The following PRSS33 variants were observed in gnomAD, a reference collection of about 807,000 sequenced individuals.
PRSS33 encodes protease, serine 33.
Under a neutral mutation model 26.7 loss-of-function variants are expected in PRSS33, and 32 were observed. The observed-to-expected ratio is 1.20, with a 90% CI of 0.90 to 1.61. The LOEUF (loss-of-function observed/expected upper bound fraction) is 1.61. Ranked by LOEUF, PRSS33 falls within the 40% of genes most tolerant of loss-of-function variation. PRSS33 has a pLI of 0.00. For synonymous variants in PRSS33, 192 were observed against 177.6 expected, an observed-to-expected ratio of 1.08 and a Z score of -0.64; for missense variants, 450 against 396.3, an observed-to-expected ratio of 1.14 and a Z score of -1.15.
chr16:2,786,183 G>A lies in PRSS33; in HGVS notation c.47-62C>T. ...TTTGGTGTCAAATAACGGAGTTGGA[G>A]GGGAGGCCAGAGATGAGGAAGGAGG... is the stretch of plus-strand genomic sequence containing the variant. On this transcript the variant is annotated intron_variant, in intron 2 of 6. Coordinates refer to ENST00000682474, the MANE Select transcript of PRSS33 (RefSeq NM_152891.3). 3 of 1,425,738 alleles carry A rather than the reference G, an allele frequency of 2.1e-6. No individual in the cohort carries two copies. The South Asian group carries it at 3.4e-5, about 16-fold the overall frequency. 88.3% of individuals were successfully genotyped at this position (1,425,738 alleles called of 1,614,324 possible).
Position 2,784,347 on chromosome 16 carries a change from T to G in PRSS33, c.*297A>C. 3.7e-6 allele frequency: 1 copy of G among 268,360 alleles called. No homozygotes were observed. The highest frequency in any genetic ancestry group is 2.2e-5 in the African/African-American group (1 of 45,322). 16.6% of individuals were successfully genotyped at this position (268,360 alleles called of 1,614,324 possible). A position where few individuals can be genotyped will look rare whatever the true frequency, so the allele number is the denominator to read the frequency against. On this transcript the variant is annotated 3_prime_UTR_variant, in exon 7 of 7. Transcript: ENST00000682474. The stretch of plus-strand genomic sequence containing the variant: ...TTGGTTTGCCCATCACTGCGTGCCT[T>G]GCGCCCAGCCCTGGCCAGGGCCAAG...
intron 5 of PRSS33, 52 bp downstream of exon 5, chr16:2,785,323 A>T: frequency 6.8e-7 from 1 of 1,460,862 alleles, no homozygotes; most frequent in Non-Finnish European, 9.0e-7. Context: ...AGTCAGATGG[A>T]GGAGGACGTG....
intron 2 of PRSS33, among the ~76,000 whole-genome samples, 167 bp downstream of exon 2, chr16:2,786,335 C>T (rs545509840): frequency 6.6e-6 from 1 of 152,094 alleles, no homozygotes; most frequent in Non-Finnish European, 1.5e-5. Flanking sequence ...ACAAGCACAT[C>T]GAGGTGTGGT....
In PRSS33 at chr16:2,785,793, G is replaced by C. The variant is rs1372466392; in HGVS notation, c.242+6C>G. 1 of 1,589,770 alleles carries C rather than the reference G, an allele frequency of 6.3e-7. No homozygotes were observed. The highest frequency in any genetic ancestry group is 1.3e-5 in the African/African-American group (1 of 74,442). On this transcript the variant is annotated splice_donor_region_variant and intron_variant, in intron 4 of 6. Coordinates refer to ENST00000682474, the MANE Select transcript of PRSS33 (RefSeq NM_152891.3). ...CACCCCGCCTGGGCCCTCGGTGAGC[G>C]CTGACCTGGGGAAGCAGTGCGCCGC...
Position 2,784,731 on chromosome 16 carries a change from GC to G in PRSS33, c.755del (p.Gly252AlafsTer34), listed in dbSNP as rs778995613. On this transcript the variant is annotated frameshift_variant, in exon 7 of 7. Transcript: ENST00000682474. LOFTEE classifies it low-confidence loss of function (END_TRUNC). Reference protein sequence around the residue: ...SWVLVGVVSWGKGCALPNRPG... With the variant: ...SWVLVGVVSWXKGCALPNRPG... ...GACGGTTGGGCAGGGCACAACCCTT[GC>G]CCCAGCTCACCACGCCCACCAGGAC... 1 of 1,607,574 alleles carries G rather than the reference GC, an allele frequency of 6.2e-7. No individual in the cohort carries two copies. The highest frequency in any genetic ancestry group is 8.5e-7 in the Non-Finnish European group (1 of 1,177,288).
Position 2,784,636 on chromosome 16 carries a change from G to T in PRSS33, c.*8C>A. 6.3e-7 allele frequency: 1 copy of T among 1,579,554 alleles called. No homozygotes were observed. The highest frequency in any genetic ancestry group is 1.2e-5 in the South Asian group (1 of 86,658). On this transcript the variant is annotated 3_prime_UTR_variant, in exon 7 of 7. Transcript: ENST00000682474. ...CAGCTGGCTCCAGGTCAGCCTCACCGGCTAGCATTAGAAGCTGACGCGAGC... is the reference window on the plus strand; with the variant it reads ...CAGCTGGCTCCAGGTCAGCCTCACCTGCTAGCATTAGAAGCTGACGCGAGC...
chr16:2,786,109 G>A lies in PRSS33; in HGVS notation c.59C>T (p.Thr20Ile). 1 of 1,613,570 alleles carries A rather than the reference G, an allele frequency of 6.2e-7. No homozygotes were observed. Among genetic ancestry groups the A allele is most frequent in the Non-Finnish European group, 8.5e-7 (1 of 1,179,784 alleles). ...CTCACCTGCAGACTTCCTTCCCTGA[G>A]TCCCAGCAGCTCCTGGAGGAGGAAG... The part of the protein sequence containing the change: ...LLLLVLGAAG[T>I]QGRKSAACGQ... The change falls in exon 3 of 7, where the codon ACT becomes ATT. Residue 20 changes from threonine to isoleucine, a missense_variant. Transcript: ENST00000682474.
rs1288992049 is a variant in PRSS33 at position 2,785,946 on chromosome 16, C to G, written c.95G>C (p.Arg32Pro). ...GCCCCCAACGATCCGACTGGACATG[C>G]GGGGCTGCCCGCAGGCTAGAAAAGG... ...GRKSAACGQPRMSSRIVGGRD... is the reference protein window; with the variant it reads ...GRKSAACGQPPMSSRIVGGRD... The change falls in exon 4 of 7, where the codon CGC becomes CCC. Residue 32 changes from arginine to proline, a missense_variant. By Grantham distance (103) the Arg-to-Pro change is moderately radical. Transcript: ENST00000682474. 1.9e-6 allele frequency: 3 copies of G among 1,612,484 alleles called. No individual in the cohort carries two copies. In the African/African-American group the frequency reaches 4.0e-5, roughly 22 times the overall value.
At chr16:2,786,410 C>T in intron 2 of PRSS33, 92 bp downstream of exon 2, 1 of 1,496,404 alleles carries the variant, frequency 6.7e-7, no homozygotes, top group South Asian at 1.2e-5. Context: ...CCCAAGAGTG[C>T]TCCAGGGAGC....
At position 2,784,994 on chromosome 16, in the gene PRSS33, G is replaced by C. The variant is rs1275637112; in HGVS notation, c.684+8C>G. ...GGACTCCGGAGGCTGGGGAGGCTGG[G>C]TGCACACCTGGCAGGCGTCCTTGTG... On this transcript the variant is annotated splice_region_variant and intron_variant, in intron 6 of 6. Coordinates refer to ENST00000682474, the MANE Select transcript of PRSS33 (RefSeq NM_152891.3). 2 of 1,597,038 alleles carry C rather than the reference G, an allele frequency of 1.3e-6. No individual in the cohort carries two copies. The highest frequency in any genetic ancestry group is 2.3e-5 in the East Asian group (1 of 44,390).
At position 2,786,494 on chromosome 16, in the gene PRSS33, C is replaced by T. The variant is rs772602990; in HGVS notation, c.46+8G>A. 1.9e-6 allele frequency: 3 copies of T among 1,613,384 alleles called. No homozygotes were observed. The highest frequency in any genetic ancestry group is 2.5e-6 in the Non-Finnish European group (3 of 1,179,708). ...CGGCCCTCACCCCCAGTCCCTGTCC[C>T]CACTCACCCAGCACCAGAAGGAGCA... On this transcript the variant is annotated splice_region_variant and intron_variant, in intron 2 of 6. Transcript: ENST00000682474.
At chr16:2,784,967 G>T in intron 6 of PRSS33, 35 bp downstream of exon 6, 1 of 1,588,884 alleles carries the variant, frequency 6.3e-7, no homozygotes, top group South Asian at 1.1e-5. Context: ...GGCACAGGGA[G>T]GGGACTCCGG....
At chr16:2,786,940 A>AG (rs2068881492) in intron 1 of PRSS33, 1 of 39,058 alleles carries the variant, frequency 2.6e-5, no homozygotes, top group Non-Finnish European at 4.7e-5. Context: ...CTCCATCCTC[A>AG]CCCCCCTCCT....
Position 2,786,503 on chromosome 16 carries a change from C to G in PRSS33, c.45G>C (p.Leu15=). 6.2e-7 allele frequency: 1 copy of G among 1,613,472 alleles called. No homozygotes were observed. The highest frequency in any genetic ancestry group is 8.5e-7 in the Non-Finnish European group (1 of 1,179,750). ...CCCCCAGTCCCTGTCCCCACTCACC[C>G]AGCACCAGAAGGAGCAGGACCTGGA... ...SCLQVLLLLV[L]GAAGTQGRKS... The change falls in exon 2 of 7, where the codon CTG becomes CTC. Residue 15 remains leucine, a splice_region_variant and synonymous_variant. Transcript: ENST00000682474.
upstream of PRSS33, among the ~76,000 whole-genome samples, chr16:2,787,605 G>C (rs561020542): frequency 6.6e-6 from 1 of 150,496 alleles, no homozygotes; most frequent in South Asian, 2.1e-4. Context: ...AGGAGAGCGC[G>C]AGGCTCAGCC....
In PRSS33 at chr16:2,784,425, A is replaced by T; in HGVS notation, c.*219T>A. 2.1e-6 allele frequency: 1 copy of T among 481,622 alleles called. No homozygotes were observed. Among genetic ancestry groups the T allele is most frequent in the Non-Finnish European group, 3.7e-6 (1 of 271,696 alleles). 29.8% of individuals were successfully genotyped at this position (481,622 alleles called of 1,614,324 possible). A position where few individuals can be genotyped will look rare whatever the true frequency, so the allele number is the denominator to read the frequency against. ...TGGGGAGTGTGACTCCCTGGGACTCATGGCAGATTCCTGGATGAGGGTTGG... is the reference window on the plus strand; with the variant it reads ...TGGGGAGTGTGACTCCCTGGGACTCTTGGCAGATTCCTGGATGAGGGTTGG... On this transcript the variant is annotated 3_prime_UTR_variant, in exon 7 of 7. Coordinates refer to ENST00000682474, the MANE Select transcript of PRSS33 (RefSeq NM_152891.3).
At chr16:2,784,867 C>A in intron 6 of PRSS33, 65 bp from the exon 7 acceptor site, 1 of 1,538,456 alleles carries the variant, frequency 6.5e-7, no homozygotes, top group East Asian at 2.4e-5. Context: ...GGTTCCAGAC[C>A]CCTGGCGTGG....
intron 4 of PRSS33, 74 bp from the exon 5 acceptor site, chr16:2,785,720 C>G: frequency 6.8e-7 from 1 of 1,479,876 alleles, no homozygotes; most frequent in South Asian, 1.3e-5. Flanking sequence ...GACCCCAACG[C>G]CTCTGCCAGG....
rs1284800059 is a variant in PRSS33, at chr16:2,786,541, C to T, written c.7G>A (p.Gly3Arg). 6.2e-7 allele frequency: 1 copy of T among 1,613,264 alleles called. No individual in the cohort carries two copies. The highest frequency in any genetic ancestry group is 1.7e-5 in the Admixed American group (1 of 59,974). The stretch of plus-strand genomic sequence containing the variant: ...AGCAGGACCTGGAGACAGGAAACCC[C>T]TCTCATTCTGTCTTCAAGGCTGGGC... MR[G>R]VSCLQVLLLL... The change falls in exon 2 of 7, where the codon GGG becomes AGG. Residue 3 changes from glycine (G) to arginine (R), a missense_variant. Physicochemically the swap from Gly to Arg is moderately radical, Grantham distance 125. Transcript: ENST00000682474.
Sources: allele counts gnomAD v4.1 joint callset (sites outside exome capture counted in the v4.1 genomes callset), GRCh38; gene constraint gnomAD v4.1.1; transcripts MANE v1.5; gene names NCBI Gene and HGNC (gene_info 2026-07-23, HGNC 2026-07-21).